Variants in SLC71A2 observed in about 807,000 individuals in gnomAD.
SLC71A2 encodes solute carrier family 71 member 2, also known as hippocampus abundant transcript-like 1.
chr9:94,454,659 T>C, the SLC71A2 span, among the ~76,000 whole-genome samples: 1 of 152,086 alleles, frequency 6.6e-6, no homozygotes, highest in South Asian at 2.1e-4. Flanking sequence ...CCACCGCACC[T>C]GGCCACATAT....
At chr9:94,457,025 GGTACAAT>G in the SLC71A2 span, among the ~76,000 whole-genome samples, 2 of 146,468 alleles carry the variant, frequency 1.4e-5, no homozygotes, top group Admixed American at 7.0e-5. Flanking sequence ...GGAGTGTAGT[GGTACAAT>G]CTTGGCTCCC....
At chr9:94,391,710 A>G in the SLC71A2 span, among the ~76,000 whole-genome samples, 4 of 148,138 alleles carry the variant, frequency 2.7e-5, no homozygotes, top group African/African-American at 1.0e-4. Flanking sequence ...CAACATAGTG[A>G]AACTCCGTCT....
At chr9:94,449,669 C>T in the SLC71A2 span, among the ~76,000 whole-genome samples, 1 of 152,074 alleles carries the variant, frequency 6.6e-6, no homozygotes, top group Non-Finnish European at 1.5e-5. Context: ...CCTGGCAGTT[C>T]CCCAAAATAT....
the SLC71A2 span, among the ~76,000 whole-genome samples, chr9:94,452,696 CATATATTCATATATATTCAT>C: frequency 9.1e-4 from 60 of 66,154 alleles, no homozygotes; most frequent in African/African-American, 2.6e-3. Flanking sequence ...CATATATATT[CATATATTCATATATATTCAT>C]ATATATATAA....
the SLC71A2 span, among the ~76,000 whole-genome samples, chr9:94,385,255 T>A: frequency 6.6e-6 from 1 of 152,224 alleles, no homozygotes; most frequent in African/African-American, 2.4e-5. Context: ...CCAGTGTATC[T>A]ATTTTGACTT....
the SLC71A2 span, chr9:94,440,944 C>T: frequency 8.1e-7 from 1 of 1,237,020 alleles, no homozygotes; most frequent in African/African-American, 1.5e-5. Flanking sequence ...AGTGAACATA[C>T]ACTCCCTTTC....
At chr9:94,435,653 T>C in the SLC71A2 span, among the ~76,000 whole-genome samples, 27 of 136,824 alleles carry the variant, frequency 2.0e-4, no homozygotes, top group South Asian at 4.7e-4. Context: ...CCTTCTTCTT[T>C]TTTTTTTTTT....
At chr9:94,420,541 C>A in the SLC71A2 span, among the ~76,000 whole-genome samples, 1 of 151,544 alleles carries the variant, frequency 6.6e-6, no homozygotes, top group African/African-American at 2.4e-5. Flanking sequence ...ACTGTCATGT[C>A]AAATGTGAGA....
At chr9:94,459,049 G>A in the SLC71A2 span, 2 of 1,136,746 alleles carry the variant, frequency 1.8e-6, no homozygotes, top group Non-Finnish European at 1.3e-6. Context: ...ATTTGCTTAT[G>A]AGAATATGAT....
At chr9:94,436,288 C>A in the SLC71A2 span, among the ~76,000 whole-genome samples, 1 of 152,270 alleles carries the variant, frequency 6.6e-6, no homozygotes, top group South Asian at 2.1e-4. Context: ...CAAACTAGAT[C>A]AGTGATATTT....
chr9:94,442,395 CCTCTCT>C, the SLC71A2 span, among the ~76,000 whole-genome samples: 1 of 151,818 alleles, frequency 6.6e-6, no homozygotes, highest in Non-Finnish European at 1.5e-5. Context: ...TTCTACCTTC[CCTCTCT>C]CTCTCTCCTT....
At chr9:94,386,333 G>T in the SLC71A2 span, among the ~76,000 whole-genome samples, 1 of 150,360 alleles carries the variant, frequency 6.7e-6, no homozygotes, top group Non-Finnish European at 1.5e-5. Flanking sequence ...TTGGAGCAGT[G>T]CTCAGTGTAG....
the SLC71A2 span, among the ~76,000 whole-genome samples, chr9:94,424,903 CTTTTT>C: frequency 2.9e-3 from 399 of 135,590 alleles, 1 homozygote; most frequent in Non-Finnish European, 3.9e-3. Context: ...CCACAACTGG[CTTTTT>C]TTTTTTTTTT....
the SLC71A2 span, among the ~76,000 whole-genome samples, chr9:94,408,886 C>T: frequency 2.0e-5 from 3 of 147,692 alleles, no homozygotes; most frequent in Non-Finnish European, 3.0e-5. Context: ...TGCAGTGGCA[C>T]GATCTCTGCT....
the SLC71A2 span, among the ~76,000 whole-genome samples, chr9:94,386,452 A>T: frequency 6.6e-6 from 1 of 151,088 alleles, no homozygotes; most frequent in African/African-American, 2.4e-5. Context: ...GCATAGGCTC[A>T]GAGTGACATC....
At chr9:94,422,140 T>TC in the SLC71A2 span, among the ~76,000 whole-genome samples, 1 of 152,240 alleles carries the variant, frequency 6.6e-6, no homozygotes, top group Non-Finnish European at 1.5e-5. Flanking sequence ...CGCTTCGGAC[T>TC]CCCAAAGTGC....
the SLC71A2 span, among the ~76,000 whole-genome samples, chr9:94,382,252 C>G: frequency 6.6e-6 from 1 of 152,090 alleles, no homozygotes; most frequent in Non-Finnish European, 1.5e-5. Flanking sequence ...GTCTTGAACT[C>G]CTGGATTCAA....
chr9:94,390,949 CTA>C, the SLC71A2 span, among the ~76,000 whole-genome samples: 15 of 151,912 alleles, frequency 9.9e-5, no homozygotes, highest in Non-Finnish European at 2.1e-4. Context: ...CAATGAGAAA[CTA>C]TGCTCATGAT....
chr9:94,422,504 T>C, the SLC71A2 span, among the ~76,000 whole-genome samples: 2 of 152,234 alleles, frequency 1.3e-5, no homozygotes, highest in African/African-American at 2.4e-5. Context: ...GGTGAACATG[T>C]ATACGTGTTT....
Sources: gnomAD v4.1 joint callset for allele counts (sites outside exome capture counted in the v4.1 genomes callset) on GRCh38, gnomAD v4.1.1 for gene constraint, MANE v1.5 for transcripts, NCBI Gene and HGNC (gene_info 2026-07-23, HGNC 2026-07-21) for gene names.